PDE7B: variants seen among roughly 807,000 people sequenced by gnomAD.
The protein encoded by PDE7B is phosphodiesterase 7B.
In PDE7B, 29 loss-of-function variants were observed where a neutral mutation model predicts 56.2. The observed-to-expected ratio is 0.52, with a 90% CI of 0.38 to 0.70. The LOEUF is 0.70. PDE7B is among the 30% of genes least tolerant of loss of function. PDE7B has a pLI of 0.00. For missense variants in PDE7B, 490 were observed against 565.0 expected (o/e 0.87, Z 1.35); for synonymous variants, 197 against 196.9 (o/e 1.00, Z 0.00).
chr6:136,144,139 C>A (rs1778375557), intron 3 of PDE7B, among the ~76,000 whole-genome samples: 1 of 152,030 alleles, frequency 6.6e-6, no homozygotes, highest in Non-Finnish European at 1.5e-5. Flanking sequence ...CACTACATTT[C>A]TTTACTTTCC....
intron 3 of PDE7B, among the ~76,000 whole-genome samples, chr6:136,116,840 G>A (rs1777839196): frequency 6.6e-6 from 1 of 152,178 alleles, no homozygotes. Flanking sequence ...CTTTTGTTCA[G>A]GGGCCCCTGT....
At chr6:135,909,715 A>C (rs1776178689) in intron 1 of PDE7B, among the ~76,000 whole-genome samples, 1 of 152,160 alleles carries the variant, frequency 6.6e-6, no homozygotes, top group Non-Finnish European at 1.5e-5. Flanking sequence ...TATTTCACCA[A>C]GTAGAATTTT....
At chr6:135,895,263 TAGTG>T (rs1453460334) in intron 1 of PDE7B, among the ~76,000 whole-genome samples, 12 of 152,180 alleles carry the variant, frequency 7.9e-5, no homozygotes, top group African/African-American at 2.7e-4. Flanking sequence ...CGAATAATGA[TAGTG>T]AGCGGCAAAA....
At chr6:135,889,071 C>T (rs577389942) in intron 1 of PDE7B, among the ~76,000 whole-genome samples, 3 of 152,222 alleles carry the variant, frequency 2.0e-5, no homozygotes, top group African/African-American at 4.8e-5. Flanking sequence ...GAATCTTTTA[C>T]TCAGCAGGTT....
chr6:135,885,136 CAG>C (rs766798054), intron 1 of PDE7B, among the ~76,000 whole-genome samples: 10 of 152,138 alleles, frequency 6.6e-5, no homozygotes, highest in Non-Finnish European at 1.3e-4. Context: ...TTCTCTATTT[CAG>C]AGTCTAGATT....
In PDE7B at chr6:136,191,947, C is replaced by A; in HGVS notation, c.*107C>A. ...AGCCCAGCCACTTTCTGAGTGTTGT[C>A]CTGGGGCTCTTTGGAACGCCATCTT... On this transcript the variant is annotated 3_prime_UTR_variant, in exon 13 of 13. Transcript: ENST00000308191. 1 of 813,146 alleles carries A rather than the reference C, an allele frequency of 1.2e-6. No homozygotes were observed. The highest frequency in any genetic ancestry group is 1.9e-6 in the Non-Finnish European group (1 of 519,336). The allele number at this position is 813,146 out of a possible 1,614,324, so 50.4% of individuals were successfully genotyped here. A position where few individuals can be genotyped will look rare whatever the true frequency, so the allele number is the denominator to read the frequency against.
chr6:136,009,095 C>G (rs1483060391), intron 2 of PDE7B, among the ~76,000 whole-genome samples: 1 of 151,970 alleles, frequency 6.6e-6, no homozygotes, highest in Non-Finnish European at 1.5e-5. Flanking sequence ...ATAGGGAATC[C>G]TTTCCCCAGT....
At chr6:135,940,579 T>G (rs1404821384) in intron 1 of PDE7B, among the ~76,000 whole-genome samples, 1 of 152,232 alleles carries the variant, frequency 6.6e-6, no homozygotes, top group African/African-American at 2.4e-5. Context: ...CTTTTTATGC[T>G]CTACAGACCT....
intron 1 of PDE7B, among the ~76,000 whole-genome samples, chr6:135,903,161 T>C (rs1776035910): frequency 6.6e-6 from 1 of 152,128 alleles, no homozygotes; most frequent in Admixed American, 6.6e-5. Context: ...AGGGCAAAGA[T>C]AAGGGAGGGA....
intron 2 of PDE7B, among the ~76,000 whole-genome samples, chr6:135,953,206 G>T (rs1292614713): frequency 6.9e-6 from 1 of 144,196 alleles, no homozygotes; most frequent in Non-Finnish European, 1.5e-5. Flanking sequence ...TAATAAAGTT[G>T]GGAGTTATTT....
chr6:136,067,771 C>A (rs1346042705), intron 2 of PDE7B, among the ~76,000 whole-genome samples: 1 of 152,102 alleles, frequency 6.6e-6, no homozygotes, highest in African/African-American at 2.4e-5. Context: ...ACACATCAGG[C>A]CTTGTTTTTT....
intron 2 of PDE7B, among the ~76,000 whole-genome samples, chr6:136,009,527 G>A (rs950430864): frequency 1.3e-5 from 2 of 152,012 alleles, no homozygotes; most frequent in Non-Finnish European, 2.9e-5. Context: ...GTGGTTTGTA[G>A]TTCTCCTTGA....
At chr6:135,874,035 A>G (rs542065956) in intron 1 of PDE7B, among the ~76,000 whole-genome samples, 6 of 152,340 alleles carry the variant, frequency 3.9e-5, no homozygotes, top group African/African-American at 1.4e-4. Flanking sequence ...AAAGAAGAGC[A>G]GAGAAAATGC....
chr6:135,903,550 A>G (rs781755889), intron 1 of PDE7B, among the ~76,000 whole-genome samples: 1 of 152,170 alleles, frequency 6.6e-6, no homozygotes, highest in African/African-American at 2.4e-5. Context: ...AAATTTCTAC[A>G]TTTCAGAGCT....
intron 8 of PDE7B, among the ~76,000 whole-genome samples, chr6:136,171,103 A>G (rs1778871095): frequency 6.6e-6 from 1 of 152,224 alleles, no homozygotes; most frequent in South Asian, 2.1e-4. Flanking sequence ...TGGTACAGAC[A>G]TAATGTTTCC....
chr6:136,123,029 C>G (rs1406307740), intron 3 of PDE7B, among the ~76,000 whole-genome samples: 7 of 152,126 alleles, frequency 4.6e-5, no homozygotes, highest in African/African-American at 1.7e-4. Context: ...TTGCTTAGCT[C>G]TTACAGTGGA....
intron 1 of PDE7B, among the ~76,000 whole-genome samples, chr6:135,913,894 G>A (rs989592279): frequency 2.1e-4 from 32 of 152,100 alleles, no homozygotes; most frequent in African/African-American, 6.3e-4. Flanking sequence ...TCCTAAGACC[G>A]TAAATTCCTG....
At chr6:136,109,011 C>T (rs1467067893) in intron 3 of PDE7B, among the ~76,000 whole-genome samples, 197 bp downstream of exon 3, 1 of 152,180 alleles carries the variant, frequency 6.6e-6, no homozygotes, top group Non-Finnish European at 1.5e-5. Context: ...CACTGCCTCT[C>T]AGAGCTCCAC....
chr6:136,147,234 A>G (rs1021556829), intron 3 of PDE7B, 117 bp from the exon 4 acceptor site: 2 of 618,230 alleles, frequency 3.2e-6, no homozygotes, highest in Admixed American at 2.8e-5. Context: ...CATATTTTTA[A>G]AAGTATAGAA....
Sources: gnomAD v4.1 joint callset for allele counts (sites outside exome capture counted in the v4.1 genomes callset) on GRCh38, gnomAD v4.1.1 for gene constraint, MANE v1.5 for transcripts, NCBI Gene and HGNC (gene_info 2026-07-23, HGNC 2026-07-21) for gene names.